FOXL2NB: variants seen among roughly 807,000 people sequenced by gnomAD.
The protein encoded by FOXL2NB is FOXL2 neighbor, also known as FOXL2 neighbor protein.
Under a neutral mutation model 7.4 loss-of-function variants are expected in FOXL2NB, and 10 were observed. That is an observed-to-expected ratio of 1.34 (90% CI 0.83 to 2.28). The LOEUF (loss-of-function observed/expected upper bound fraction) is 2.28, where lower values mean the gene tolerates loss of function less well. Among genes scored for constraint, FOXL2NB ranks in the 30% most tolerant of loss-of-function variants. The probability of loss-of-function intolerance (pLI) is 0.00; values close to 1 mark genes in which losing one functional copy is unlikely to be tolerated. For synonymous variants in FOXL2NB, 104 were observed against 105.3 expected (o/e 0.99, Z 0.08); for missense variants, 228 against 233.9 (o/e 0.97, Z 0.17).
At position 138,950,638 on chromosome 3, in the gene FOXL2NB, G is replaced by T. The variant is rs1297363557; in HGVS notation, c.*66G>T. ...TCACTCCCTCCCGGCCCCTCACAGG[G>T]CCCTTTGCACCCACACCTCAGGGAC... On this transcript the variant is annotated 3_prime_UTR_variant, in exon 3 of 3. Coordinates refer to ENST00000383165, the MANE Select transcript of FOXL2NB (RefSeq NM_001040061.3). The T allele has an allele frequency of 1.9e-6, 3 of 1,569,756 alleles. No individual in the cohort carries two copies. The highest frequency in any genetic ancestry group is 4.5e-5 in the East Asian group (2 of 44,332).
In FOXL2NB at chr3:138,949,219, A is replaced by C. The variant is rs1936063457; in HGVS notation, c.101-301A>C. Among the ~76,000 whole-genome samples the C allele has an allele frequency of 1.5e-5, 2 of 131,048 alleles. No homozygotes were observed. The highest frequency in any genetic ancestry group is 5.2e-4 in the South Asian group (2 of 3,814). 86.0% of individuals were successfully genotyped at this position (131,048 alleles called of 152,430 possible). A position where few individuals can be genotyped will look rare whatever the true frequency, so the allele number is the denominator to read the frequency against. Reference sequence around the variant, plus strand: ...TCCTTTTTTTTTTTCTTGACCACCCAGGCTGGCTCTCTGCGTCTCTCTGTC... The same window carrying C: ...TCCTTTTTTTTTTTCTTGACCACCCCGGCTGGCTCTCTGCGTCTCTCTGTC... On this transcript the variant is annotated intron_variant, in intron 1 of 2. Transcript: ENST00000383165. The surrounding 1 kb of genome is among the most constrained non-coding windows in gnomAD (Gnocchi z 4.5).
chr3:138,950,948 T>A lies in FOXL2NB; in HGVS notation c.*376T>A, dbSNP rs1046073749. ...TCCGAGAAGCCTGTTGATTCTCTGATGTCCTTGGCCTGTGATTCGGGTGAC... is the reference window on the plus strand; with the variant it reads ...TCCGAGAAGCCTGTTGATTCTCTGAAGTCCTTGGCCTGTGATTCGGGTGAC... On this transcript the variant is annotated 3_prime_UTR_variant, in exon 3 of 3. Coordinates refer to ENST00000383165, the MANE Select transcript of FOXL2NB (RefSeq NM_001040061.3). 2 of 271,338 alleles carry A rather than the reference T, an allele frequency of 7.4e-6. No individual in the cohort carries two copies. Among genetic ancestry groups the A allele is most frequent in the African/African-American group, 2.3e-5 (1 of 42,836 alleles). The allele number at this position is 271,338 out of a possible 1,614,324, so 16.8% of individuals were successfully genotyped here.
rs930699598 is a variant in FOXL2NB, at chr3:138,950,014, G to C, written c.221-251G>C. On this transcript the variant is annotated intron_variant, in intron 2 of 2. Transcript: ENST00000383165. ...GCGCTCACCTCCAAAGGCCAGGGTG[G>C]TGGGCTGGGCAGAACTCACTGCCTC... 4.3e-6 allele frequency: 3 copies of C among 703,504 alleles called. No homozygotes were observed. The African/African-American group carries it at 5.2e-5, about 12-fold the overall frequency. The allele number at this position is 703,504 out of a possible 1,614,324, so 43.6% of individuals were successfully genotyped here. A position where few individuals can be genotyped will look rare whatever the true frequency, so the allele number is the denominator to read the frequency against.
rs1217403900 is a variant in FOXL2NB, at chr3:138,949,288, A to G, written c.101-232A>G. 6.6e-6 allele frequency among the ~76,000 whole-genome samples: 1 copy of G among 151,506 alleles called. No individual in the cohort carries two copies. The highest frequency in any genetic ancestry group is 1.9e-4 in the East Asian group (1 of 5,174). ...AGGCATTTCCGCTGCTCAGCCCTGC[A>G]GCAGCCAGGTGTAACAGCATTGTTG... On this transcript the variant is annotated intron_variant, in intron 1 of 2. Coordinates refer to ENST00000383165, the MANE Select transcript of FOXL2NB (RefSeq NM_001040061.3). This position sits in a 1 kb window ranked among gnomAD's most constrained non-coding sequence, Gnocchi z 4.5.
rs1425074470 is a variant in FOXL2NB, at chr3:138,951,654, GT to G, written c.*1085del. ...CTAGGGTGGTGGGAGCTGCTGACAA[GT>G]TTCCTCTGATATCCCTCATGACATC... On this transcript the variant is annotated 3_prime_UTR_variant, in exon 3 of 3. Transcript: ENST00000383165. 6.6e-6 allele frequency: 1 copy of G among 152,364 alleles called. No individual in the cohort carries two copies. Among genetic ancestry groups the G allele is most frequent in the Non-Finnish European group, 1.5e-5 (1 of 68,166 alleles). 9.4% of individuals were successfully genotyped at this position (152,364 alleles called of 1,614,324 possible). A position where few individuals can be genotyped will look rare whatever the true frequency, so the allele number is the denominator to read the frequency against.
In FOXL2NB at chr3:138,949,386, A is replaced by ATG. The variant is rs1158260747; in HGVS notation, c.101-131_101-130dup. ...CTTTAAAGAGCCTGTGTGTGTATGC[A>ATG]TGTGCGTGTGTGTGTGTGTGTGTGT... is the stretch of plus-strand genomic sequence containing the variant. On this transcript the variant is annotated intron_variant, in intron 1 of 2. Transcript: ENST00000383165. The surrounding 1 kb of genome is among the most constrained non-coding windows in gnomAD (Gnocchi z 4.5). 18 of 885,648 alleles carry ATG rather than the reference A, an allele frequency of 2.0e-5. No individual in the cohort carries two copies. The highest frequency in any genetic ancestry group is 8.6e-5 in the African/African-American group (3 of 34,750). The allele number at this position is 885,648 out of a possible 1,614,324, so 54.9% of individuals were successfully genotyped here. A position where few individuals can be genotyped will look rare whatever the true frequency, so the allele number is the denominator to read the frequency against.
Position 138,953,976 on chromosome 3 carries a change from G to A in FOXL2NB, c.*3404G>A, listed in dbSNP as rs1936182794. Among the ~76,000 whole-genome samples the A allele has an allele frequency of 1.3e-5, 2 of 152,198 alleles. No individual in the cohort carries two copies. Among genetic ancestry groups the A allele is most frequent in the African/African-American group, 4.8e-5 (2 of 41,438 alleles). ...TTTGGATATCATAAATAAAGCTGCT[G>A]TGCACATTGTTGTACATGTCTTTTT... On this transcript the variant is annotated 3_prime_UTR_variant, in exon 3 of 3. Coordinates refer to ENST00000383165, the MANE Select transcript of FOXL2NB (RefSeq NM_001040061.3).
chr3:138,948,566 G>C (rs1936043338), intron 1 of FOXL2NB, among the ~76,000 whole-genome samples: 1 of 152,164 alleles, frequency 6.6e-6, no homozygotes, highest in African/African-American at 2.4e-5. Context: ...ATGGAGGAAG[G>C]TGGACTGAAT....
rs1936022891 is a variant in FOXL2NB, at chr3:138,947,881, GCTGTTGCCCGGGACTTTGCGGGA to G, written c.100+422_100+444del. On this transcript the variant is annotated intron_variant, in intron 1 of 2. Transcript: ENST00000383165. This position sits in a 1 kb window ranked among gnomAD's most constrained non-coding sequence, Gnocchi z 5.2. ...CAGCTATTGCACTAACACAGGCGGG[GCTGTTGCCCGGGACTTTGCGGGA>G]CTGTGTATGTGTGTGCACAGGGGTC... is the stretch of plus-strand genomic sequence containing the variant. 1 of 999,770 alleles carries G rather than the reference GCTGTTGCCCGGGACTTTGCGGGA, an allele frequency of 1.0e-6. No homozygotes were observed. The highest frequency in any genetic ancestry group is 1.2e-6 in the Non-Finnish European group (1 of 839,668). The allele number at this position is 999,770 out of a possible 1,614,324, so 61.9% of individuals were successfully genotyped here.
Position 138,949,955 on chromosome 3 carries a change from G to A in FOXL2NB, c.221-310G>A. 1.4e-6 allele frequency: 1 copy of A among 693,480 alleles called. No homozygotes were observed. The highest frequency in any genetic ancestry group is 1.5e-5 in the South Asian group (1 of 66,730). The allele number at this position is 693,480 out of a possible 1,614,324, so 43.0% of individuals were successfully genotyped here. A position where few individuals can be genotyped will look rare whatever the true frequency, so the allele number is the denominator to read the frequency against. ...CCTTTTCTCCCCGCGGCATTGGGGC[G>A]ACGCAGGGCCCCCGGCTTAGTGACC... On this transcript the variant is annotated intron_variant, in intron 2 of 2. Transcript: ENST00000383165. The surrounding 1 kb of genome is among the most constrained non-coding windows in gnomAD (Gnocchi z 4.5).
At chr3:138,948,667 C>T (rs890146154) in intron 1 of FOXL2NB, among the ~76,000 whole-genome samples, 2 of 152,186 alleles carry the variant, frequency 1.3e-5, no homozygotes, top group African/African-American at 4.8e-5. Context: ...GCTGTTTAGA[C>T]TCTGAGGGTT....
At position 138,951,814 on chromosome 3, in the gene FOXL2NB, A is replaced by G. The variant is rs901009132; in HGVS notation, c.*1242A>G. The G allele has an allele frequency of 6.6e-6, 1 of 152,044 alleles. No individual in the cohort carries two copies. Among genetic ancestry groups the G allele is most frequent in the African/African-American group, 2.4e-5 (1 of 41,452 alleles). The allele number at this position is 152,044 out of a possible 1,614,324, so 9.4% of individuals were successfully genotyped here. A position where few individuals can be genotyped will look rare whatever the true frequency, so the allele number is the denominator to read the frequency against. ...CTCCACACCCAGACTGTAAGCGCTG[A>G]TGGGCAGAGACTCTGCCCTCCACTT... On this transcript the variant is annotated 3_prime_UTR_variant, in exon 3 of 3. Coordinates refer to ENST00000383165, the MANE Select transcript of FOXL2NB (RefSeq NM_001040061.3).
In FOXL2NB at chr3:138,949,416, G is replaced by A; in HGVS notation, c.101-104G>A. On this transcript the variant is annotated intron_variant, in intron 1 of 2. Transcript: ENST00000383165. This position sits in a 1 kb window ranked among gnomAD's most constrained non-coding sequence, Gnocchi z 4.5. The stretch of plus-strand genomic sequence containing the variant: ...CGTGTGTGTGTGTGTGTGTGTGTGT[G>A]TAGGGGTTGGGGGCAAATGAAGGAG... 1 of 1,246,508 alleles carries A rather than the reference G, an allele frequency of 8.0e-7. No individual in the cohort carries two copies. The highest frequency in any genetic ancestry group is 1.1e-6 in the Non-Finnish European group (1 of 884,666). 77.2% of individuals were successfully genotyped at this position (1,246,508 alleles called of 1,614,324 possible).
At chr3:138,950,017 G>A in intron 2 of FOXL2NB, 1 of 704,088 alleles carries the variant, frequency 1.4e-6, no homozygotes. Flanking sequence ...CAGGGTGGTG[G>A]GCTGGGCAGA....
In FOXL2NB at chr3:138,952,542, C is replaced by G. The variant is rs1936154529; in HGVS notation, c.*1970C>G. 1.3e-5 allele frequency: 2 copies of G among 151,046 alleles called. No homozygotes were observed. Among genetic ancestry groups the G allele is most frequent in the Non-Finnish European group, 2.9e-5 (2 of 68,460 alleles). The allele number at this position is 151,046 out of a possible 1,614,324, so 9.4% of individuals were successfully genotyped here. A position where few individuals can be genotyped will look rare whatever the true frequency, so the allele number is the denominator to read the frequency against. ...TTTTTTTTTGAGACAGGGTCTCACTCTGTTGCCCAAGCTGGAGTGCAGTGG... is the reference window on the plus strand; with the variant it reads ...TTTTTTTTTGAGACAGGGTCTCACTGTGTTGCCCAAGCTGGAGTGCAGTGG... On this transcript the variant is annotated 3_prime_UTR_variant, in exon 3 of 3. Coordinates refer to ENST00000383165, the MANE Select transcript of FOXL2NB (RefSeq NM_001040061.3).
At position 138,953,001 on chromosome 3, in the gene FOXL2NB, CG is replaced by C; in HGVS notation, c.*2430del. On this transcript the variant is annotated 3_prime_UTR_variant, in exon 3 of 3. Coordinates refer to ENST00000383165, the MANE Select transcript of FOXL2NB (RefSeq NM_001040061.3). ...CATCCCCCTCCTACGCTTCCCCCCCCGAGTCCCCATTATATAATTCTTTTTT... is the reference window on the plus strand; with the variant it reads ...CATCCCCCTCCTACGCTTCCCCCCCCAGTCCCCATTATATAATTCTTTTTT... 6.7e-6 allele frequency: 1 copy of C among 149,054 alleles called. No homozygotes were observed. Among genetic ancestry groups the C allele is most frequent in the South Asian group, 2.2e-4 (1 of 4,566 alleles). The allele number at this position is 149,054 out of a possible 1,614,324, so 9.2% of individuals were successfully genotyped here.
intron 1 of FOXL2NB, among the ~76,000 whole-genome samples, chr3:138,948,416 A>C (rs1936035295): frequency 6.6e-6 from 1 of 152,220 alleles, no homozygotes; most frequent in South Asian, 2.1e-4. Context: ...TGTGCCTTTT[A>C]ACAGTGTGCT....
In FOXL2NB at chr3:138,950,367, C is replaced by G. The variant is rs1360345164; in HGVS notation, c.323C>G (p.Ala108Gly). 6.2e-7 allele frequency: 1 copy of G among 1,612,180 alleles called. No homozygotes were observed. The highest frequency in any genetic ancestry group is 8.5e-7 in the Non-Finnish European group (1 of 1,179,808). Residue 108 changes from alanine (A) to glycine (G), a missense_variant, in exon 3 of 3, where the codon GCT (alanine) becomes GGT (glycine). Transcript: ENST00000383165. The stretch of plus-strand genomic sequence containing the variant: ...CGCGGCTGCTCTGAGGCAGGCAGCG[C>G]TTCGCTAGAACCACTCAGCTCGTCC... ...KRRGCSEAGS[A>G]SLEPLSSSRA...
rs764616976 is a variant in FOXL2NB, at chr3:138,949,594, A to G, written c.175A>G (p.Met59Val). The G allele has an allele frequency of 5.6e-6, 9 of 1,614,122 alleles. No individual in the cohort carries two copies. In the East Asian group the frequency reaches 2.0e-4, roughly 36 times the overall value. ...AAGGGCTGGAATCGGTCTCCCCAAG[A>G]TGTGCCTTCACATGGCTGTCCGGCA... ...LGRAGIGLPK[M>V]CLHMAVRHSK... Residue 59 changes from methionine (M) to valine (V), a missense_variant, in exon 2 of 3, where the codon ATG (methionine) becomes GTG (valine). By Grantham distance (21) the Met-to-Val change is conservative. Transcript: ENST00000383165. The surrounding 1 kb of genome is among the most constrained non-coding windows in gnomAD (Gnocchi z 4.5).
Sources: allele counts gnomAD v4.1 joint callset (sites outside exome capture counted in the v4.1 genomes callset), GRCh38; gene constraint gnomAD v4.1.1; non-coding constraint Gnocchi (gnomAD v3.1); transcripts MANE v1.5; gene names NCBI Gene and HGNC (gene_info 2026-07-23, HGNC 2026-07-21).